TBC1D31: variants seen among roughly 807,000 people sequenced by gnomAD.
TBC1D31 encodes TBC1 domain family member 31.
In TBC1D31, 99 loss-of-function variants were observed where a neutral mutation model predicts 132.9. The ratio of observed to expected loss-of-function variants is 0.74; its 90% CI spans 0.63 to 0.88. The LOEUF (loss-of-function observed/expected upper bound fraction) is 0.88, where lower values mean the gene tolerates loss of function less well. Among genes scored for constraint, TBC1D31 ranks in the 40% least tolerant of loss-of-function variants. The probability of loss-of-function intolerance (pLI) is 0.00; values close to 1 mark genes in which losing one functional copy is unlikely to be tolerated. For missense variants in TBC1D31, 1,134 were observed against 1,256.6 expected (o/e 0.90, Z 1.48); for synonymous variants, 385 against 419.4 (o/e 0.92, Z 1.00).
At chr8:123,098,553 G>A (rs1356795971) in intron 6 of TBC1D31, among the ~76,000 whole-genome samples, 1 of 152,210 alleles carries the variant, frequency 6.6e-6, no homozygotes, top group Non-Finnish European at 1.5e-5. Flanking sequence ...CTCCCAAAGT[G>A]CTGGGATTAT....
chr8:123,073,379 A>G, intron 1 of TBC1D31: 1 of 456,238 alleles, frequency 2.2e-6, no homozygotes, highest in Non-Finnish European at 4.4e-6. Context: ...AGCGCTGGGG[A>G]CGGCGATGGA....
chr8:123,162,109 A>G, the TBC1D31 span, among the ~76,000 whole-genome samples: 1 of 151,870 alleles, frequency 6.6e-6, no homozygotes, highest in African/African-American at 2.4e-5. Flanking sequence ...ATATATAAAT[A>G]TGTCTCCCAA....
chr8:123,151,165 A>G (rs912905787), intron 21 of TBC1D31, among the ~76,000 whole-genome samples: 6 of 129,198 alleles, frequency 4.6e-5, no homozygotes, highest in African/African-American at 1.9e-4. Context: ...ATACAAAAGC[A>G]TGAAAGTTGT....
the TBC1D31 span, among the ~76,000 whole-genome samples, chr8:123,164,956 T>A: frequency 2.0e-5 from 3 of 152,220 alleles, no homozygotes; most frequent in Admixed American, 2.0e-4. Flanking sequence ...TCCTTGCCAA[T>A]ACATAGATAT....
chr8:123,161,366 C>T, the TBC1D31 span, among the ~76,000 whole-genome samples: 1 of 152,242 alleles, frequency 6.6e-6, no homozygotes, highest in African/African-American at 2.4e-5. Flanking sequence ...GCTGAACGCG[C>T]TCCTTCCTCC....
At chr8:123,118,253 T>C (rs1014060634) in intron 10 of TBC1D31, among the ~76,000 whole-genome samples, 8 of 100,186 alleles carry the variant, frequency 8.0e-5, no homozygotes, top group Admixed American at 3.3e-4. Context: ...GTCCATAATT[T>C]AGTGAATAGC....
chr8:123,072,811 A>T lies in TBC1D31; in HGVS notation c.42A>T (p.Ile14=). The part of the protein sequence containing the change: ...TDLGNKESGK[I]WHRKPSPATR... Reference sequence around the variant, plus strand: ...TAGGCAACAAGGAGAGCGGCAAGATATGGCACCGCAAGCCGTCCCCGGCCA... The same window carrying T: ...TAGGCAACAAGGAGAGCGGCAAGATTTGGCACCGCAAGCCGTCCCCGGCCA... Residue 14 remains isoleucine (I), a synonymous_variant, in exon 1 of 22, where the codon ATA becomes ATT. Transcript: ENST00000287380. 1 of 1,574,374 alleles carries T rather than the reference A, an allele frequency of 6.4e-7. No homozygotes were observed. Among genetic ancestry groups the T allele is most frequent in the Non-Finnish European group, 8.6e-7 (1 of 1,160,454 alleles).
At chr8:123,141,943 C>T (rs1056980698) in intron 18 of TBC1D31, among the ~76,000 whole-genome samples, 4 of 147,068 alleles carry the variant, frequency 2.7e-5, no homozygotes, top group African/African-American at 1.0e-4. Context: ...TCACTGCAAC[C>T]TCCACCTCCT....
chr8:123,122,115 A>G (rs1248167058), intron 11 of TBC1D31, among the ~76,000 whole-genome samples: 1 of 152,220 alleles, frequency 6.6e-6, no homozygotes, highest in African/African-American at 2.4e-5. Context: ...TGCAGTCACT[A>G]TGAAAAAACA....
At chr8:123,106,775 T>C (rs1817970281) in intron 8 of TBC1D31, among the ~76,000 whole-genome samples, 1 of 152,186 alleles carries the variant, frequency 6.6e-6, no homozygotes, top group African/African-American at 2.4e-5. Context: ...ATCCTTAGGT[T>C]TGATGATTTA....
chr8:123,080,476 T>A (rs1737613381), intron 2 of TBC1D31, among the ~76,000 whole-genome samples: 1 of 151,648 alleles, frequency 6.6e-6, no homozygotes, highest in Non-Finnish European at 1.5e-5. Context: ...GTATGCAAAT[T>A]TATGTAAACT....
chr8:123,077,533 A>ATTTTTTTTTTTTTTTTTTT (rs33948089), intron 2 of TBC1D31, among the ~76,000 whole-genome samples: 1 of 143,482 alleles, frequency 7.0e-6, no homozygotes, highest in Non-Finnish European at 1.5e-5. Context: ...ATTATTGCTA[A>ATTTTTTTTTTTTTTTTTTT]TTTTTTTTTT....
intron 7 of TBC1D31, chr8:123,104,156 G>T (rs1314650568): frequency 6.6e-6 from 1 of 152,090 alleles, no homozygotes; most frequent in African/African-American, 2.4e-5. Flanking sequence ...GGGAAATTGT[G>T]ACATTTTAAT....
chr8:123,145,028 G>A (rs1160466248), intron 20 of TBC1D31, among the ~76,000 whole-genome samples, 173 bp downstream of exon 20: 1 of 151,664 alleles, frequency 6.6e-6, no homozygotes, highest in Non-Finnish European at 1.5e-5. Flanking sequence ...AGCTCAAGCA[G>A]TTCTCCCATC....
At chr8:123,159,554 G>C in the TBC1D31 span, among the ~76,000 whole-genome samples, 1 of 152,206 alleles carries the variant, frequency 6.6e-6, no homozygotes, top group African/African-American at 2.4e-5. Context: ...CATTTTGGGA[G>C]GCCTAGGCGG....
rs138309872 is a variant in TBC1D31, at chr8:123,142,634, TA to T, written c.2835+180del. Among the ~76,000 whole-genome samples, 52 of 152,180 alleles carry T rather than the reference TA, an allele frequency of 3.4e-4. 1 individual carries two copies. In the East Asian group the frequency reaches 9.1e-3, roughly 27 times the overall value. ...CAGACGTCAGCCCCTTTATCCAGCC[TA>T]AGCACTGAAATTTTGAAATAGTACA... On this transcript the variant is annotated intron_variant, in intron 19 of 21. Transcript: ENST00000287380.
chr8:123,130,029 G>T (rs1244691650), intron 15 of TBC1D31, among the ~76,000 whole-genome samples, 169 bp from the exon 16 acceptor site: 1 of 152,150 alleles, frequency 6.6e-6, no homozygotes, highest in East Asian at 1.9e-4. Flanking sequence ...AATTCTTAAA[G>T]CATAAGTATA....
rs16898007 is a variant in TBC1D31, at chr8:123,124,376, G to T, written c.1571-1680G>T. On this transcript the variant is annotated intron_variant, in intron 11 of 21. Transcript: ENST00000287380. ...CACAATTATCATTTCTCTGTATTTT[G>T]CTATCTGTCAGTTCTCTCTCTAGGT... 9.9e-3 allele frequency among the ~76,000 whole-genome samples: 1,506 copies of T among 152,180 alleles called. 20 individuals are homozygous for T. Among genetic ancestry groups the T allele is most frequent in the African/African-American group, 0.035 (1,462 of 41,500 alleles).
intron 16 of TBC1D31, among the ~76,000 whole-genome samples, chr8:123,132,955 T>G (rs986549828): frequency 6.6e-6 from 1 of 152,188 alleles, no homozygotes; most frequent in Non-Finnish European, 1.5e-5. Flanking sequence ...AGGAGGCATT[T>G]TTTGGTCCAA....
Sources: gnomAD v4.1 joint callset for allele counts (sites outside exome capture counted in the v4.1 genomes callset) on GRCh38, gnomAD v4.1.1 for gene constraint, MANE v1.5 for transcripts, NCBI Gene and HGNC (gene_info 2026-07-23, HGNC 2026-07-21) for gene names.